NRXN3: variants seen among roughly 807,000 people sequenced by gnomAD.
NRXN3 encodes the protein neurexin 3.
In NRXN3, 32 loss-of-function variants were observed where a neutral mutation model predicts 137.6. That is an observed-to-expected ratio of 0.23 (90% confidence interval 0.18 to 0.31). The LOEUF is 0.31. Ranked by LOEUF, NRXN3 falls within the 10% of genes least tolerant of loss-of-function variation. The probability of loss-of-function intolerance (pLI) is 1.00; values close to 1 mark genes in which losing one functional copy is unlikely to be tolerated. For missense variants in NRXN3, 1,574 were observed against 2,062.5 expected, an observed-to-expected ratio of 0.76 and a Z score of 4.59; for synonymous variants, 798 against 784.5, an observed-to-expected ratio of 1.02 and a Z score of -0.29.
intron 9 of NRXN3, among the ~76,000 whole-genome samples, chr14:78,808,597 T>C (rs2098891679): frequency 6.6e-6 from 1 of 152,132 alleles, no homozygotes; most frequent in Non-Finnish European, 1.5e-5. Context: ...CTCCTCTGTC[T>C]GGTAATCATA....
intron 8 of NRXN3, among the ~76,000 whole-genome samples, chr14:78,757,262 T>C (rs1218732830): frequency 6.6e-6 from 1 of 151,908 alleles, no homozygotes; most frequent in Non-Finnish European, 1.5e-5. Flanking sequence ...CAAAAGAAAT[T>C]AGCCGAATGT....
At chr14:78,666,852 T>G (rs1205919599) in intron 6 of NRXN3, among the ~76,000 whole-genome samples, 1 of 152,180 alleles carries the variant, frequency 6.6e-6, no homozygotes, top group Non-Finnish European at 1.5e-5. Flanking sequence ...CAGCAAAGCA[T>G]GTCTTCTTCA....
At chr14:78,661,170 T>C (rs893722878) in intron 6 of NRXN3, among the ~76,000 whole-genome samples, 2 of 152,196 alleles carry the variant, frequency 1.3e-5, no homozygotes, top group African/African-American at 2.4e-5. Flanking sequence ...AGTGCAATAT[T>C]AACAGAATGT....
chr14:79,856,192 C>G (rs1271737467), intron 20 of NRXN3, among the ~76,000 whole-genome samples: 1 of 151,996 alleles, frequency 6.6e-6, no homozygotes, highest in Non-Finnish European at 1.5e-5. Context: ...CAAGTTAAGC[C>G]TCTTTGAGAC....
chr14:79,388,905 G>A (rs1008222556), intron 15 of NRXN3, among the ~76,000 whole-genome samples: 2 of 152,062 alleles, frequency 1.3e-5, no homozygotes, highest in African/African-American at 4.8e-5. Context: ...GAGATCTGGC[G>A]GTTTTATAAA....
chr14:78,340,617 C>G (rs1034825642), intron 4 of NRXN3, among the ~76,000 whole-genome samples: 2 of 152,112 alleles, frequency 1.3e-5, no homozygotes, highest in South Asian at 4.1e-4. Context: ...CTTCCAGGGT[C>G]TCTTCTTGCG....
chr14:79,443,436 A>G (rs781773025), intron 15 of NRXN3, among the ~76,000 whole-genome samples: 1 of 152,188 alleles, frequency 6.6e-6, no homozygotes, highest in Non-Finnish European at 1.5e-5. Context: ...TTTATAAATG[A>G]TGGCCAAATA....
At chr14:79,060,719 T>A (rs1012739461) in intron 15 of NRXN3, among the ~76,000 whole-genome samples, 1 of 152,196 alleles carries the variant, frequency 6.6e-6, no homozygotes, top group African/African-American at 2.4e-5. Context: ...CCTATAAAAC[T>A]AGAATTATGA....
At chr14:79,316,996 T>C (rs866369753) in intron 15 of NRXN3, among the ~76,000 whole-genome samples, 1 of 152,158 alleles carries the variant, frequency 6.6e-6, no homozygotes, top group Middle Eastern at 3.4e-3. Context: ...TTTGGGAGGC[T>C]GAGGCAGGCA....
chr14:79,756,272 G>C (rs1354488112), intron 19 of NRXN3, among the ~76,000 whole-genome samples: 1 of 152,076 alleles, frequency 6.6e-6, no homozygotes, highest in Non-Finnish European at 1.5e-5. Flanking sequence ...AACATACTCA[G>C]ATACACTTTC....
chr14:78,800,320 G>C (rs2098834936), intron 8 of NRXN3, among the ~76,000 whole-genome samples: 1 of 152,162 alleles, frequency 6.6e-6, no homozygotes. Flanking sequence ...TGGTGTTCTT[G>C]AAGATTAAAT....
intron 15 of NRXN3, among the ~76,000 whole-genome samples, chr14:79,399,735 G>A (rs899563133): frequency 2.6e-5 from 4 of 152,268 alleles, no homozygotes; most frequent in African/African-American, 9.6e-5. Flanking sequence ...TAATTTGCTA[G>A]GTTTGCCCTG....
At chr14:79,816,555 T>C (rs1242996823) in intron 20 of NRXN3, among the ~76,000 whole-genome samples, 2 of 152,242 alleles carry the variant, frequency 1.3e-5, no homozygotes, top group East Asian at 3.8e-4. Flanking sequence ...AATATTCCTC[T>C]TTTACTAACA....
intron 4 of NRXN3, among the ~76,000 whole-genome samples, chr14:78,415,558 A>ACTCCTCTC (rs2093087490): frequency 6.6e-6 from 1 of 151,992 alleles, no homozygotes; most frequent in Non-Finnish European, 1.5e-5. Context: ...GACCTTCACA[A>ACTCCTCTC]CTCCTCTCCT....
At chr14:78,971,170 C>T (rs187767261) in intron 14 of NRXN3, among the ~76,000 whole-genome samples, 1 of 152,078 alleles carries the variant, frequency 6.6e-6, no homozygotes, top group East Asian at 1.9e-4. Flanking sequence ...AAAGGGAGAG[C>T]ACAAAACACT....
At chr14:78,362,866 G>A (rs1462962281) in intron 4 of NRXN3, among the ~76,000 whole-genome samples, 2 of 152,138 alleles carry the variant, frequency 1.3e-5, no homozygotes, top group Non-Finnish European at 2.9e-5. Context: ...GACACGTTTT[G>A]GTTGTTTCTT....
chr14:79,374,978 C>T (rs2094218528), intron 15 of NRXN3, among the ~76,000 whole-genome samples: 1 of 152,116 alleles, frequency 6.6e-6, no homozygotes, highest in Admixed American at 6.5e-5. Flanking sequence ...CCACAGGATA[C>T]ATGTATCAAG....
chr14:78,346,125 G>A (rs149011608), intron 4 of NRXN3, among the ~76,000 whole-genome samples: 2 of 152,160 alleles, frequency 1.3e-5, no homozygotes, highest in South Asian at 4.1e-4. Context: ...TGAAGCACGG[G>A]TGATGGGGAA....
chr14:78,371,868 A>C (rs951075592), intron 4 of NRXN3, among the ~76,000 whole-genome samples: 1 of 152,248 alleles, frequency 6.6e-6, no homozygotes, highest in Non-Finnish European at 1.5e-5. Context: ...GCCATAATTT[A>C]TGTTAACACT....
Sources: allele counts gnomAD v4.1 joint callset (sites outside exome capture counted in the v4.1 genomes callset), GRCh38; gene constraint gnomAD v4.1.1; transcripts MANE v1.5; gene names NCBI Gene and HGNC (gene_info 2026-07-23, HGNC 2026-07-21).